C6: variants seen among roughly 807,000 people sequenced by gnomAD.
The protein encoded by C6 is complement component C6.
A neutral mutation model predicts 112.9 loss-of-function variants in C6; 101 were observed. The ratio of observed to expected loss-of-function variants is 0.89; its 90% CI spans 0.76 to 1.06. The LOEUF (loss-of-function observed/expected upper bound fraction) is 1.06. Among genes scored for constraint, C6 ranks in the 50% least tolerant of loss-of-function variants. C6 has a pLI of 0.00. For synonymous variants in C6, 431 were observed against 384.1 expected, an observed-to-expected ratio of 1.12 and a Z score of -1.43; for missense variants, 1,202 against 1,104.6, an observed-to-expected ratio of 1.09 and a Z score of -1.25.
intron 1 of C6, among the ~76,000 whole-genome samples, chr5:41,206,556 G>T (rs1372413324): frequency 6.6e-6 from 1 of 152,126 alleles, no homozygotes; most frequent in African/African-American, 2.4e-5. Flanking sequence ...TGAAAACCAT[G>T]GCACAAGAAC....
intron 5 of C6, among the ~76,000 whole-genome samples, chr5:41,192,479 A>G (rs1400766668): frequency 6.6e-6 from 1 of 152,200 alleles, no homozygotes; most frequent in African/African-American, 2.4e-5. Flanking sequence ...AAAGTTTGGT[A>G]GAATTCAGCA....
chr5:41,235,058 CTTTT>C (rs11340018), intron 1 of C6, among the ~76,000 whole-genome samples: 13 of 124,812 alleles, frequency 1.0e-4, no homozygotes, highest in African/African-American at 3.8e-4. Context: ...CATTCTCATT[CTTTT>C]TTTTTTTTTT....
In C6 at chr5:41,166,781, T is replaced by C. The variant is rs551654360; in HGVS notation, c.1292-4922A>G. On this transcript the variant is annotated intron_variant, in intron 9 of 17. Coordinates refer to ENST00000337836, the MANE Select transcript of C6 (RefSeq NM_000065.5). ...GAGATGGTAATCAGGTAAGACTTCT[T>C]GGACTGTCTGCTAAAAATTTCAATT... Among the ~76,000 whole-genome samples the C allele has an allele frequency of 3.3e-5, 5 of 152,238 alleles. No individual in the cohort carries two copies. In the East Asian group the frequency reaches 5.8e-4, roughly 18 times the overall value.
At chr5:41,224,714 G>A (rs1337126147) in intron 1 of C6, among the ~76,000 whole-genome samples, 1 of 151,950 alleles carries the variant, frequency 6.6e-6, no homozygotes, top group African/African-American at 2.4e-5. Flanking sequence ...GGGAACATTT[G>A]TGTACATGTT....
intron 3 of C6, among the ~76,000 whole-genome samples, chr5:41,200,541 G>A (rs1049732548): frequency 6.6e-6 from 1 of 152,088 alleles, no homozygotes; most frequent in Admixed American, 6.6e-5. Context: ...TGTAAAATGG[G>A]TAGAGAAACA....
At chr5:41,156,127 C>A (rs1746883620) in intron 13 of C6, among the ~76,000 whole-genome samples, 1 of 152,100 alleles carries the variant, frequency 6.6e-6, no homozygotes, top group Admixed American at 6.6e-5. Context: ...CACCTCCTGC[C>A]ATTTCCTCCC....
chr5:41,157,147 T>C (rs557345888), intron 13 of C6, among the ~76,000 whole-genome samples: 9 of 152,270 alleles, frequency 5.9e-5, no homozygotes, highest in African/African-American at 2.2e-4. Context: ...GTAAAAACTA[T>C]TGCCAGACAG....
At chr5:41,203,048 C>T (rs1751151930) in intron 2 of C6, 40 bp downstream of exon 2, 2 of 1,608,832 alleles carry the variant, frequency 1.2e-6, no homozygotes, top group Non-Finnish European at 8.5e-7. Flanking sequence ...TCCTTGAGTC[C>T]TTCCAGGACA....
intron 1 of C6, among the ~76,000 whole-genome samples, chr5:41,256,563 T>A (rs1475681447): frequency 2.6e-5 from 4 of 151,964 alleles, no homozygotes; most frequent in Non-Finnish European, 5.9e-5. Flanking sequence ...GCCCCACTGC[T>A]GAGAGAATTT....
intron 9 of C6, among the ~76,000 whole-genome samples, chr5:41,164,169 A>G (rs1014521639): frequency 2.6e-5 from 4 of 152,186 alleles, no homozygotes; most frequent in African/African-American, 9.6e-5. Flanking sequence ...GGAAATTAAA[A>G]AGACCAATAA....
At chr5:41,205,604 C>A (rs767657076) in intron 1 of C6, among the ~76,000 whole-genome samples, 1 of 152,196 alleles carries the variant, frequency 6.6e-6, no homozygotes, top group Non-Finnish European at 1.5e-5. Context: ...GTCCCACACC[C>A]GCAGAGCCTC....
intron 1 of C6, among the ~76,000 whole-genome samples, chr5:41,245,142 A>G (rs1740944601): frequency 1.3e-5 from 2 of 152,346 alleles, no homozygotes; most frequent in East Asian, 3.9e-4. Context: ...TTGGTATCAC[A>G]GTAATGCTGA....
chr5:41,179,726 A>AATATATGAAATATAT (rs1749167662), intron 7 of C6, among the ~76,000 whole-genome samples: 2 of 149,096 alleles, frequency 1.3e-5, no homozygotes, highest in African/African-American at 4.9e-5. Flanking sequence ...TTTATACATA[A>AATATATGAAATATAT]AATGAATCTA....
At chr5:41,172,570 C>A in intron 8 of C6, 1 of 589,632 alleles carries the variant, frequency 1.7e-6, no homozygotes. Flanking sequence ...GAGTGCCCAT[C>A]ATCTCCCCTT....
At chr5:41,182,909 A>T (rs559025653) in intron 6 of C6, among the ~76,000 whole-genome samples, 3 of 152,352 alleles carry the variant, frequency 2.0e-5, no homozygotes, top group African/African-American at 7.2e-5. Flanking sequence ...AGCTACATTG[A>T]TAAGGAAATG....
At chr5:41,167,713 A>G (rs1260094862) in intron 9 of C6, among the ~76,000 whole-genome samples, 1 of 152,192 alleles carries the variant, frequency 6.6e-6, no homozygotes, top group African/African-American at 2.4e-5. Context: ...GAGGGATAAG[A>G]CATCAGTTTG....
At chr5:41,219,709 T>C (rs1739046929) in intron 1 of C6, among the ~76,000 whole-genome samples, 1 of 152,190 alleles carries the variant, frequency 6.6e-6, no homozygotes, top group African/African-American at 2.4e-5. Context: ...ACATGCTGTG[T>C]TGTCATGTAA....
At chr5:41,156,746 G>A (rs1324441934) in intron 13 of C6, among the ~76,000 whole-genome samples, 1 of 152,166 alleles carries the variant, frequency 6.6e-6, no homozygotes, top group Non-Finnish European at 1.5e-5. Flanking sequence ...TTGTTTCCAA[G>A]GGAAATGGAC....
At chr5:41,254,855 T>C (rs1415274168) in intron 1 of C6, among the ~76,000 whole-genome samples, 1 of 152,238 alleles carries the variant, frequency 6.6e-6, no homozygotes, top group East Asian at 1.9e-4. Context: ...CTTCTGCTAC[T>C]ATGGATCTCA....
Sources: allele counts gnomAD v4.1 joint callset (sites outside exome capture counted in the v4.1 genomes callset), GRCh38; gene constraint gnomAD v4.1.1; transcripts MANE v1.5; gene names NCBI Gene and HGNC (gene_info 2026-07-23, HGNC 2026-07-21).